ATRX: variants seen among roughly 807,000 people sequenced by gnomAD.
ATRX encodes ATRX chromatin remodeler.
In ATRX, 12 loss-of-function variants were observed where a neutral mutation model predicts 172.6. The ratio of observed to expected loss-of-function variants is 0.07; its 90% CI spans 0.04 to 0.11. The LOEUF (loss-of-function observed/expected upper bound fraction) is 0.11. ATRX is among the 10% of genes least tolerant of loss of function. The pLI is 1.00. For missense variants in ATRX, 1,368 were observed against 1,767.4 expected (o/e 0.77, Z 4.05); for synonymous variants, 674 against 594.7 (o/e 1.13, Z -1.94).
At position 77,517,371 on chromosome X, in the gene ATRX, A is replaced by T. The variant is rs189273981; in HGVS notation, c.7200+3417T>A. On this transcript the variant is annotated intron_variant, in intron 34 of 34. Coordinates refer to ENST00000373344, the MANE Select transcript of ATRX (RefSeq NM_000489.6). ...AACTGTTACCAAAGAAATTCAAAGGATCATTAGAGGCTCCTATGACAAACT... is the reference window on the plus strand; with the variant it reads ...AACTGTTACCAAAGAAATTCAAAGGTTCATTAGAGGCTCCTATGACAAACT... Among the ~76,000 whole-genome samples the T allele has an allele frequency of 5.4e-5, 6 of 111,809 alleles. No individual in the cohort carries two copies. In the Admixed American group the frequency reaches 5.7e-4, roughly 11 times the overall value.
chrX:77,757,501 AATG>A (rs1356387584), intron 1 of ATRX, among the ~76,000 whole-genome samples: 2 of 111,812 alleles, frequency 1.8e-5, no homozygotes, highest in African/African-American at 6.5e-5. Flanking sequence ...GCAATCTCTA[AATG>A]ATGAATAATC....
chrX:77,552,054 C>T (rs71491484), intron 30 of ATRX, among the ~76,000 whole-genome samples: 1 of 111,599 alleles, frequency 9.0e-6, no homozygotes, highest in South Asian at 3.8e-4. Context: ...TTGTGGAAGA[C>T]AGTGTGGCGA....
rs1557086553 is a variant in ATRX at position 77,600,527 on chromosome X, T to C, written c.5604A>G (p.Ala1868=). 8.3e-7 allele frequency: 1 copy of C among 1,210,636 alleles called. No individual in the cohort carries two copies. The highest frequency in any genetic ancestry group is 1.1e-6 in the Non-Finnish European group (1 of 894,474). Reference sequence around the variant, plus strand: ...GAAAATCTTGGAAAAGCTTTGCACCTGCCTTTCCTCTTCCACCTTCACTAT... The same window carrying C: ...GAAAATCTTGGAAAAGCTTTGCACCCGCCTTTCCTCTTCCACCTTCACTAT... ...GNNSEGGRGK[A]GAKLFQDFQM... The change falls in exon 23 of 35, where the codon GCA becomes GCG. Residue 1868 remains alanine (A), a synonymous_variant. Transcript: ENST00000373344.
rs2148636896 is a variant in ATRX, at chrX:77,684,424, T to C, written c.832A>G (p.Thr278Ala). ...CHPEPLLDLV[T>A]ACNSVFENLE... ...TTCTCAAATACGCTGTTACATGCAGTGACCAAGTCCAACAAAGGCTCTGGG... is the reference window on the plus strand; with the variant it reads ...TTCTCAAATACGCTGTTACATGCAGCGACCAAGTCCAACAAAGGCTCTGGG... Residue 278 changes from threonine (T) to alanine (A), a missense_variant, in exon 9 of 35, where the codon ACT (threonine) becomes GCT (alanine). Physicochemically the swap from Thr to Ala is moderately conservative, Grantham distance 58. Around this residue, in one of 17 missense-constraint regions of ATRX, gnomAD observed 17 missense variants for 30.3 expected, o/e 0.56. Coordinates refer to ENST00000373344, the MANE Select transcript of ATRX (RefSeq NM_000489.6). The C allele has an allele frequency of 6.6e-6, 8 of 1,211,928 alleles. No homozygotes were observed. Among genetic ancestry groups the C allele is most frequent in the Non-Finnish European group, 8.9e-6 (8 of 895,334 alleles).
intron 22 of ATRX, chrX:77,616,166 T>A: frequency 5.0e-6 from 4 of 802,741 alleles, no homozygotes; most frequent in Non-Finnish European, 6.0e-6. Context: ...TGGTGTATTT[T>A]AGGCATACTA....
intron 25 of ATRX, among the ~76,000 whole-genome samples, chrX:77,599,026 T>C (rs1557085440): frequency 8.9e-6 from 1 of 112,081 alleles, no homozygotes; most frequent in African/African-American, 3.2e-5. Context: ...GAAAATATCA[T>C]GGTGGCTTTG....
intron 1 of ATRX, among the ~76,000 whole-genome samples, chrX:77,743,932 A>G (rs900842900): frequency 8.9e-6 from 1 of 112,281 alleles, no homozygotes; most frequent in African/African-American, 3.2e-5. Context: ...AGGCATTCCA[A>G]TCCCCAGCGC....
At chrX:77,517,451 A>C (rs782083243) in intron 34 of ATRX, among the ~76,000 whole-genome samples, 14 of 112,027 alleles carry the variant, frequency 1.2e-4, no homozygotes, top group South Asian at 3.7e-4. Context: ...AGACTCATAC[A>C]ATCTACCAAG....
chrX:77,685,103 G>A (rs2071478005), intron 7 of ATRX, 97 bp from the exon 8 acceptor site: 1 of 667,758 alleles, frequency 1.5e-6, no homozygotes, highest in African/African-American at 2.1e-5. Context: ...AAAACACTGG[G>A]GAAAATCTCC....
At chrX:77,625,249 T>G (rs889217995) in intron 19 of ATRX, among the ~76,000 whole-genome samples, 7 of 112,739 alleles carry the variant, frequency 6.2e-5, no homozygotes, top group Admixed American at 9.4e-5. Flanking sequence ...CACCTCATGA[T>G]GGATTAAGGA....
chrX:77,515,283 T>C (rs1380914034), intron 34 of ATRX, among the ~76,000 whole-genome samples: 3 of 111,530 alleles, frequency 2.7e-5, no homozygotes, highest in Non-Finnish European at 5.6e-5. Context: ...TGTTCTATTA[T>C]AATGACACAC....
At chrX:77,640,756 CA>C (rs1405583059) in intron 15 of ATRX, among the ~76,000 whole-genome samples, 1 of 111,273 alleles carries the variant, frequency 9.0e-6, no homozygotes, top group Non-Finnish European at 1.9e-5. Flanking sequence ...GTTGAAGAAA[CA>C]AAGGTCAGGC....
chrX:77,745,642 G>A (rs1603300507), intron 1 of ATRX, among the ~76,000 whole-genome samples: 2 of 111,202 alleles, frequency 1.8e-5, no homozygotes, highest in East Asian at 5.6e-4. Flanking sequence ...CAGTGGGGAT[G>A]GCTAATATGT....
chrX:77,518,862 C>T (rs1306825085), intron 34 of ATRX, among the ~76,000 whole-genome samples: 1 of 111,755 alleles, frequency 8.9e-6, no homozygotes, highest in Non-Finnish European at 1.9e-5. Context: ...CACCAGTAAA[C>T]TCATTTTTTG....
chrX:77,684,901 T>A (rs2071467292), intron 8 of ATRX, 38 bp downstream of exon 8: 1 of 1,104,695 alleles, frequency 9.1e-7, no homozygotes, highest in Non-Finnish European at 1.3e-6. Flanking sequence ...CTCCCAAAAG[T>A]AGGAAACACT....
At chrX:77,534,771 TAA>T (rs2063694708) in intron 30 of ATRX, among the ~76,000 whole-genome samples, 1 of 112,030 alleles carries the variant, frequency 8.9e-6, no homozygotes, top group African/African-American at 3.2e-5. Flanking sequence ...TGATAAATTA[TAA>T]GTTTAAGTTA....
intron 28 of ATRX, among the ~76,000 whole-genome samples, chrX:77,573,127 A>G (rs782805438): frequency 8.9e-6 from 1 of 112,141 alleles, no homozygotes; most frequent in East Asian, 2.8e-4. Context: ...TGTGCCACAT[A>G]ATGTGTTGGT....
chrX:77,734,404 T>G (rs1470181656), intron 1 of ATRX, among the ~76,000 whole-genome samples: 3 of 109,006 alleles, frequency 2.8e-5, no homozygotes, highest in Admixed American at 9.8e-5. Flanking sequence ...GGTGATGAAA[T>G]GAGACTCTGT....
chrX:77,631,267 ATAAT>A (rs1288155204), intron 19 of ATRX, among the ~76,000 whole-genome samples: 1 of 111,228 alleles, frequency 9.0e-6, no homozygotes, highest in Non-Finnish European at 1.9e-5. Flanking sequence ...AGATGAGTAT[ATAAT>A]TATATAAATC....
Sources: allele counts gnomAD v4.1 joint callset (sites outside exome capture counted in the v4.1 genomes callset), GRCh38; gene constraint gnomAD v4.1.1; regional missense constraint gnomAD v4.1.1; transcripts MANE v1.5; gene names NCBI Gene and HGNC (gene_info 2026-07-23, HGNC 2026-07-21).